Variants in CHN1 observed in about 807,000 individuals in gnomAD.
The protein encoded by CHN1 is N-chimaerin.
A neutral mutation model predicts 59.5 loss-of-function variants in CHN1; 37 were observed. The ratio of observed to expected loss-of-function variants is 0.62; its 90% CI spans 0.48 to 0.82. The LOEUF (loss-of-function observed/expected upper bound fraction) is 0.82, where lower values mean the gene tolerates loss of function less well. CHN1 is among the 40% of genes least tolerant of loss of function. CHN1 has a pLI of 0.00. For missense variants in CHN1, 469 were observed against 571.0 expected (o/e 0.82, Z 1.82); for synonymous variants, 206 against 200.4 (o/e 1.03, Z -0.24).
intron 1 of CHN1, among the ~76,000 whole-genome samples, chr2:174,977,863 T>C (rs898605761): frequency 1.3e-5 from 2 of 152,154 alleles, no homozygotes; most frequent in African/African-American, 4.8e-5. Context: ...AAAGTTGATA[T>C]ATAACCCCCC....
At chr2:174,999,941 A>G (rs1438604081) in intron 1 of CHN1, among the ~76,000 whole-genome samples, 1 of 152,220 alleles carries the variant, frequency 6.6e-6, no homozygotes, top group Non-Finnish European at 1.5e-5. Context: ...TAGGATGGTT[A>G]CCTGCAGAGA....
intron 7 of CHN1, chr2:174,846,299 C>G: frequency 6.5e-7 from 1 of 1,541,466 alleles, no homozygotes; most frequent in Non-Finnish European, 8.7e-7. Flanking sequence ...TAATTAAAAA[C>G]TACACATACG....
intron 6 of CHN1, among the ~76,000 whole-genome samples, chr2:174,862,672 A>G (rs1271818583): frequency 2.6e-5 from 4 of 152,110 alleles, no homozygotes; most frequent in Non-Finnish European, 5.9e-5. Context: ...TAAATTAGTT[A>G]CTGTAGGCTT....
chr2:174,980,437 C>A (rs955599708), intron 1 of CHN1, among the ~76,000 whole-genome samples: 2 of 152,130 alleles, frequency 1.3e-5, no homozygotes, highest in African/African-American at 4.8e-5. Context: ...CATAAAAATA[C>A]CCAGAGTCCT....
At chr2:174,884,642 T>C (rs968408070) in intron 5 of CHN1, among the ~76,000 whole-genome samples, 6 of 152,194 alleles carry the variant, frequency 3.9e-5, no homozygotes, top group African/African-American at 1.4e-4. Context: ...TGATTATATG[T>C]ACCAGCATAT....
chr2:174,910,899 C>CAAAAAAA (rs10568066), intron 5 of CHN1, among the ~76,000 whole-genome samples: 33 of 76,600 alleles, frequency 4.3e-4, no homozygotes, highest in East Asian at 2.0e-3. Context: ...GACTCCGTCT[C>CAAAAAAA]AAAAAAAAAA....
intron 5 of CHN1, among the ~76,000 whole-genome samples, chr2:174,904,076 A>G (rs1271595467): frequency 6.6e-6 from 1 of 151,852 alleles, no homozygotes; most frequent in Non-Finnish European, 1.5e-5. Context: ...CAGCCTGACC[A>G]ACATGGAGAA....
At chr2:174,826,022 A>G (rs1685669017) in intron 7 of CHN1, among the ~76,000 whole-genome samples, 1 of 152,240 alleles carries the variant, frequency 6.6e-6, no homozygotes, top group Non-Finnish European at 1.5e-5. Context: ...TATCCATATA[A>G]AGCTGCAAGG....
chr2:174,853,994 T>A (rs945826195), intron 6 of CHN1, among the ~76,000 whole-genome samples: 2 of 152,134 alleles, frequency 1.3e-5, no homozygotes, highest in African/African-American at 4.8e-5. Flanking sequence ...CTATGTTCGC[T>A]ACCTGAGTGC....
At chr2:174,985,040 A>T (rs1457242910) in intron 1 of CHN1, among the ~76,000 whole-genome samples, 2 of 152,170 alleles carry the variant, frequency 1.3e-5, no homozygotes, top group Non-Finnish European at 2.9e-5. Flanking sequence ...GGCTTTTCTT[A>T]TTCTATGATA....
intron 1 of CHN1, among the ~76,000 whole-genome samples, chr2:174,988,191 T>C (rs1241481902): frequency 1.3e-5 from 2 of 151,866 alleles, no homozygotes; most frequent in African/African-American, 2.4e-5. Context: ...ACCCCGTCTC[T>C]ACTAAAAATA....
At chr2:174,894,121 G>A (rs1688136535) in intron 5 of CHN1, among the ~76,000 whole-genome samples, 1 of 136,260 alleles carries the variant, frequency 7.3e-6, no homozygotes, top group East Asian at 2.1e-4. Context: ...CAAATGGCAC[G>A]ACAGCACAAA....
At chr2:174,968,950 T>C (rs1007094228) in intron 1 of CHN1, among the ~76,000 whole-genome samples, 5 of 152,218 alleles carry the variant, frequency 3.3e-5, no homozygotes, top group African/African-American at 1.2e-4. Flanking sequence ...TATTTAGTCT[T>C]TATCCCATTG....
At chr2:174,830,655 C>CTGAA (rs1408056561) in intron 7 of CHN1, among the ~76,000 whole-genome samples, 4 of 152,122 alleles carry the variant, frequency 2.6e-5, no homozygotes, top group Non-Finnish European at 4.4e-5. Flanking sequence ...CAGGCACTTG[C>CTGAA]TGAAACATAG....
In CHN1 at chr2:174,946,900, TAA is replaced by T. The variant is rs34155510; in HGVS notation, c.59-1959_59-1958del. Among the ~76,000 whole-genome samples, 823 of 100,190 alleles carry T rather than the reference TAA, an allele frequency of 8.2e-3. 7 individuals carry two copies. Among genetic ancestry groups the T allele is most frequent in the South Asian group, 0.027 (75 of 2,780 alleles). The allele number at this position is 100,190 out of a possible 152,430, so 65.7% of individuals were successfully genotyped here. A position where few individuals can be genotyped will look rare whatever the true frequency, so the allele number is the denominator to read the frequency against. On this transcript the variant is annotated intron_variant, in intron 2 of 12. Transcript: ENST00000409900. Reference sequence around the variant, plus strand: ...AGCGAGACCCTGTCTCTAAAAAATGTAAAAAAAAAAAAAAAAAAAAAAAAAAT... The same window carrying T: ...AGCGAGACCCTGTCTCTAAAAAATGTAAAAAAAAAAAAAAAAAAAAAAAAT...
At chr2:174,819,936 T>C (rs1452095771) in intron 8 of CHN1, among the ~76,000 whole-genome samples, 3 of 150,890 alleles carry the variant, frequency 2.0e-5, no homozygotes, top group Non-Finnish European at 4.4e-5. Context: ...GTCCTTGCGA[T>C]AGTTTACTGA....
chr2:174,898,603 C>CA (rs942303472), intron 5 of CHN1, among the ~76,000 whole-genome samples: 3 of 152,062 alleles, frequency 2.0e-5, no homozygotes, highest in Admixed American at 6.5e-5. Context: ...GACTCCGTCT[C>CA]AAAAAAACAA....
chr2:174,970,139 G>T (rs906933140), intron 1 of CHN1, among the ~76,000 whole-genome samples: 3 of 152,088 alleles, frequency 2.0e-5, no homozygotes, highest in African/African-American at 7.2e-5. Context: ...GTTAAATTTT[G>T]ATCCTTGAGT....
At chr2:174,808,869 T>C in intron 11 of CHN1, 36 bp downstream of exon 11, 1 of 1,609,148 alleles carries the variant, frequency 6.2e-7, no homozygotes, top group Middle Eastern at 1.7e-4. Flanking sequence ...AAGAGGACGT[T>C]GTCAGGTTAT....
Sources: allele counts gnomAD v4.1 joint callset (sites outside exome capture counted in the v4.1 genomes callset), GRCh38; gene constraint gnomAD v4.1.1; transcripts MANE v1.5; gene names NCBI Gene and HGNC (gene_info 2026-07-23, HGNC 2026-07-21).